Variants in HSPA9 observed in about 807,000 individuals in gnomAD.
HSPA9 encodes the protein stress-70 protein, mitochondrial.
HSPA9 carries 28 observed loss-of-function variants against 81.5 expected under a neutral mutation model. The ratio of observed to expected loss-of-function variants is 0.34; its 90% CI spans 0.25 to 0.47. The LOEUF is 0.47. Among genes scored for constraint, HSPA9 ranks in the 20% least tolerant of loss-of-function variants. HSPA9 has a pLI of 1.00. For synonymous variants in HSPA9, 293 were observed against 290.4 expected (o/e 1.01, Z -0.09); for missense variants, 678 against 838.0 (o/e 0.81, Z 2.36).
rs755419365 is a variant in HSPA9 at position 138,574,130 on chromosome 5, A to G, written c.82-4T>C. 1.2e-6 allele frequency: 2 copies of G among 1,613,074 alleles called. No homozygotes were observed. Among genetic ancestry groups the G allele is most frequent in the Non-Finnish European group, 1.7e-6 (2 of 1,179,112 alleles). The stretch of plus-strand genomic sequence containing the variant: ...GACTAAGGCCATTCCAGCTATCCTA[A>G]AAAAGAAAAAACTGACTCAGTCACC... On this transcript the variant is annotated splice_polypyrimidine_tract_variant and splice_region_variant and intron_variant, in intron 1 of 16. Transcript: ENST00000297185.
At position 138,565,530 on chromosome 5, in the gene HSPA9, C is replaced by T. The variant is rs41295721; in HGVS notation, c.972+1096G>A. 4.9e-3 allele frequency among the ~76,000 whole-genome samples: 750 copies of T among 152,234 alleles called. 2 individuals carry two copies. Among genetic ancestry groups the T allele is most frequent in the Non-Finnish European group, 7.9e-3 (534 of 68,014 alleles). On this transcript the variant is annotated intron_variant, in intron 9 of 16. Transcript: ENST00000297185. ...CAAGACACCGGAAATAGATCTGCTG[C>T]TTTCTATCTTCATGGGTCTCTAACA... is the stretch of plus-strand genomic sequence containing the variant.
chr5:138,562,129 G>A (rs1750675563), intron 9 of HSPA9, among the ~76,000 whole-genome samples: 1 of 150,976 alleles, frequency 6.6e-6, no homozygotes. Flanking sequence ...AGTAGAGACA[G>A]GGTTTCAGCA....
At position 138,558,662 on chromosome 5, in the gene HSPA9, GGAA is replaced by G; in HGVS notation, c.1411-8_1411-6del. ...ATCAGCGGCAGTAGAGAATACCTAG[GGAA>G]GAAGAAACCCTCCTGGGTTGTCAAT... On this transcript the variant is annotated splice_region_variant and splice_polypyrimidine_tract_variant and intron_variant, in intron 11 of 16. Coordinates refer to ENST00000297185, the MANE Select transcript of HSPA9 (RefSeq NM_004134.7). The G allele has an allele frequency of 6.3e-7, 1 of 1,586,224 alleles. No individual in the cohort carries two copies. The highest frequency in any genetic ancestry group is 8.7e-7 in the Non-Finnish European group (1 of 1,154,812).
chr5:138,557,078 A>G, intron 14 of HSPA9: 2 of 619,102 alleles, frequency 3.2e-6, no homozygotes. Flanking sequence ...GGGAAAACAG[A>G]AGAAATAATA....
intron 4 of HSPA9, 60 bp from the exon 5 acceptor site, chr5:138,569,109 T>G: frequency 6.6e-7 from 1 of 1,514,922 alleles, no homozygotes; most frequent in Non-Finnish European, 9.2e-7. Flanking sequence ...ATGACAAAAT[T>G]ACCACATACC....
intron 14 of HSPA9, 68 bp downstream of exon 14, chr5:138,557,334 G>T: frequency 9.3e-7 from 1 of 1,071,104 alleles, no homozygotes; most frequent in Non-Finnish European, 1.4e-6. Flanking sequence ...ACTGCGCCCA[G>T]CCCCAAACTC....
In HSPA9 at chr5:138,560,018, A is replaced by G; in HGVS notation, c.1256T>C (p.Ile419Thr). The G allele has an allele frequency of 1.9e-6, 3 of 1,614,154 alleles. No homozygotes were observed. Among genetic ancestry groups the G allele is most frequent in the Admixed American group, 1.7e-5 (1 of 60,022 alleles). The stretch of plus-strand genomic sequence containing the variant: ...CACACCTCCCTGAATGGCAGCTCCA[A>G]TGGCCACAGCCTCATCAGGATTGAC... Reference protein sequence around the residue: ...KAVNPDEAVAIGAAIQGGVLA... With the variant: ...KAVNPDEAVATGAAIQGGVLA... The change falls in exon 11 of 17, where the codon ATT (isoleucine) becomes ACT (threonine). Residue 419 changes from isoleucine to threonine, a missense_variant. Ile to Thr is a moderately conservative substitution (Grantham distance 89, BLOSUM62 -1). This residue lies in a region of HSPA9 where 484 missense variants were observed against 647.5 expected (regional missense o/e 0.75). Transcript: ENST00000297185.
At chr5:138,573,605 C>T (rs1751000165) in intron 3 of HSPA9, among the ~76,000 whole-genome samples, 158 bp downstream of exon 3, 1 of 134,518 alleles carries the variant, frequency 7.4e-6, no homozygotes, top group South Asian at 2.3e-4. Flanking sequence ...GGAGACCGTG[C>T]CACTGCACTC....
rs147492888 is a variant in HSPA9 at position 138,556,500 on chromosome 5, G to A, written c.1914C>T (p.Ser638=). The change falls in exon 16 of 17, where the codon TCC becomes TCT. Residue 638 remains serine (S), a synonymous_variant. Transcript: ENST00000297185. ...GCTTCAGTGATGCCTGCTGAAGAGA[G>A]GATGCTGCCTGTCTAATATTTTCTC... ...ETGENIRQAA[S]SLQQASLKLF... 3.8e-5 allele frequency: 61 copies of A among 1,614,054 alleles called. No homozygotes were observed. In the African/African-American group the frequency reaches 7.2e-4, roughly 19 times the overall value.
rs200864424 is a variant in HSPA9 at position 138,555,945 on chromosome 5, A to G, written c.*92T>C. 1.1e-6 allele frequency: 1 copy of G among 890,956 alleles called. No individual in the cohort carries two copies. The highest frequency in any genetic ancestry group is 2.4e-5 in the East Asian group (1 of 41,276). The allele number at this position is 890,956 out of a possible 1,614,324, so 55.2% of individuals were successfully genotyped here. The stretch of plus-strand genomic sequence containing the variant: ...TATAGAATACTGCAAAAACACAGTA[A>G]AAAGACTGAAGTTCGCCCATTTCTG... On this transcript the variant is annotated 3_prime_UTR_variant, in exon 17 of 17. Transcript: ENST00000297185.
chr5:138,564,348 C>G (rs1750718173), intron 9 of HSPA9, among the ~76,000 whole-genome samples: 1 of 152,214 alleles, frequency 6.6e-6, no homozygotes, highest in Admixed American at 6.5e-5. Flanking sequence ...AAGTGATTCA[C>G]CGGCCTTGGC....
chr5:138,559,303 A>G (rs1357337084), intron 11 of HSPA9, among the ~76,000 whole-genome samples: 1 of 152,018 alleles, frequency 6.6e-6, no homozygotes, highest in African/African-American at 2.4e-5. Flanking sequence ...GAGCTTCACC[A>G]TGTTACCCAG....
rs1750464945 is a variant in HSPA9 at position 138,553,826 on chromosome 5, T to G, written c.*2211A>C. ...TGATGCCATTTAACGGGTTAAACAT[T>G]TGTCTCTCTCCAGAAGAGATTAGTA... On this transcript the variant is annotated 3_prime_UTR_variant, in exon 17 of 17. Coordinates refer to ENST00000297185, the MANE Select transcript of HSPA9 (RefSeq NM_004134.7). 6.6e-6 allele frequency among the ~76,000 whole-genome samples: 1 copy of G among 152,206 alleles called. No individual in the cohort carries two copies. The highest frequency in any genetic ancestry group is 1.5e-5 in the Non-Finnish European group (1 of 68,028).
In HSPA9 at chr5:138,555,878, A is replaced by G; in HGVS notation, c.*159T>C. 2 of 655,320 alleles carry G rather than the reference A, an allele frequency of 3.1e-6. No homozygotes were observed. Among genetic ancestry groups the G allele is most frequent in the Admixed American group, 2.4e-5 (1 of 40,908 alleles). 40.6% of individuals were successfully genotyped at this position (655,320 alleles called of 1,614,324 possible). ...TAGAATCACTGTCCATTAAATGATC[A>G]CTAGCTAATGGTCACTAAATTTACA... On this transcript the variant is annotated 3_prime_UTR_variant, in exon 17 of 17. Coordinates refer to ENST00000297185, the MANE Select transcript of HSPA9 (RefSeq NM_004134.7).
intron 11 of HSPA9, 61 bp downstream of exon 11, chr5:138,559,803 C>T: frequency 1.8e-6 from 2 of 1,107,240 alleles, no homozygotes; most frequent in Non-Finnish European, 2.8e-6. Context: ...AAAGTGGCTG[C>T]AATTACATCC....
Position 138,567,460 on chromosome 5 carries a change from G to C in HSPA9, c.711C>G (p.Asp237Glu). The C allele has an allele frequency of 6.2e-7, 1 of 1,611,232 alleles. No individual in the cohort carries two copies. Among genetic ancestry groups the C allele is most frequent in the Non-Finnish European group, 8.5e-7 (1 of 1,177,350 alleles). ...ALAYGLDKSE[D>E]KVIAVYDLGG... ...AATTTACTGCACAAACTTACACTTT[G>C]TCTTCTGATTTGTCTAGACCATAGG... is the stretch of plus-strand genomic sequence containing the variant. The change falls in exon 7 of 17, where the codon GAC (aspartate) becomes GAG (glutamate). Residue 237 changes from aspartate to glutamate, a missense_variant. Transcript: ENST00000297185.
intron 1 of HSPA9, among the ~76,000 whole-genome samples, chr5:138,574,359 G>C (rs1751033034): frequency 6.6e-6 from 1 of 152,150 alleles, no homozygotes; most frequent in Non-Finnish European, 1.5e-5. Context: ...TTTTGTGGTG[G>C]GGGCTGTTCT....
chr5:138,575,100 G>A (rs759861449), intron 1 of HSPA9, 138 bp downstream of exon 1: 2 of 654,538 alleles, frequency 3.1e-6, no homozygotes, highest in East Asian at 5.5e-5. Context: ...CGCTAACTAT[G>A]GAAGGCCCGT....
intron 9 of HSPA9, among the ~76,000 whole-genome samples, chr5:138,562,702 C>T (rs187340175): frequency 9.8e-5 from 15 of 152,334 alleles, no homozygotes; most frequent in East Asian, 3.9e-4. Context: ...ACTACATATT[C>T]ATTAGAACCA....
Sources: allele counts gnomAD v4.1 joint callset (sites outside exome capture counted in the v4.1 genomes callset), GRCh38; gene constraint gnomAD v4.1.1; regional missense constraint gnomAD v4.1.1; transcripts MANE v1.5; gene names NCBI Gene and HGNC (gene_info 2026-07-23, HGNC 2026-07-21).